Variants in LIMCH1 observed in about 807,000 individuals in gnomAD.
LIMCH1 encodes LIM and calponin homology domains 1, also known as LIM and calponin homology domains-containing protein 1.
Under a neutral mutation model 176.5 loss-of-function variants are expected in LIMCH1, and 113 were observed. The observed-to-expected ratio is 0.64, with a 90% CI of 0.55 to 0.75. The LOEUF (loss-of-function observed/expected upper bound fraction) is 0.75. Ranked by LOEUF, LIMCH1 falls within the 30% of genes least tolerant of loss-of-function variation. LIMCH1 has a pLI of 0.00. For synonymous variants in LIMCH1, 619 were observed against 645.9 expected (o/e 0.96, Z 0.63); for missense variants, 1,674 against 1,814.9 (o/e 0.92, Z 1.41).
At chr4:41,649,542 C>G (rs529350350) in intron 17 of LIMCH1, among the ~76,000 whole-genome samples, 1 of 152,308 alleles carries the variant, frequency 6.6e-6, no homozygotes, top group Non-Finnish European at 1.5e-5. Flanking sequence ...GAGGAAGATA[C>G]TGTTACTTTA....
At position 41,360,827 on chromosome 4, in the gene LIMCH1, G is replaced by C; in HGVS notation, c.-14G>C. The C allele has an allele frequency of 6.5e-7, 1 of 1,535,808 alleles. No individual in the cohort carries two copies. On this transcript the variant is annotated 5_prime_UTR_variant, in exon 1 of 27. Coordinates refer to the LIMCH1 transcript ENST00000313860. The surrounding 1 kb of genome is among the most constrained non-coding windows in gnomAD (Gnocchi z 4.5). Reference sequence around the variant, plus strand: ...TCCTCATCCCGGCGCTTGAGAGGACGCGGGGCTGCGCAAATGGCTTGTCCC... The same window carrying C: ...TCCTCATCCCGGCGCTTGAGAGGACCCGGGGCTGCGCAAATGGCTTGTCCC...
intron 1 of LIMCH1, among the ~76,000 whole-genome samples, chr4:41,457,088 T>G (rs1174826338): frequency 2.0e-5 from 3 of 152,192 alleles, no homozygotes; most frequent in Non-Finnish European, 4.4e-5. Flanking sequence ...ATACTTTGGT[T>G]AGATACAGAG....
At chr4:41,582,224 C>A (rs1001191027) in intron 1 of LIMCH1, among the ~76,000 whole-genome samples, 7 of 152,154 alleles carry the variant, frequency 4.6e-5, no homozygotes, top group Admixed American at 6.5e-5. Context: ...AAGCCACAGG[C>A]TTTAACCGTA....
chr4:41,372,761 A>C (rs772489681), intron 1 of LIMCH1, among the ~76,000 whole-genome samples: 3 of 152,190 alleles, frequency 2.0e-5, no homozygotes, highest in African/African-American at 7.2e-5. Context: ...CCTGGGTACT[A>C]CATAAAGCAG....
chr4:41,556,753 A>G (rs1233731402), intron 1 of LIMCH1, among the ~76,000 whole-genome samples: 1 of 152,188 alleles, frequency 6.6e-6, no homozygotes, highest in Non-Finnish European at 1.5e-5. Context: ...CTTTCAGTAT[A>G]GACATAATCT....
At chr4:41,397,257 G>A (rs138511584) in intron 1 of LIMCH1, among the ~76,000 whole-genome samples, 3 of 152,242 alleles carry the variant, frequency 2.0e-5, no homozygotes, top group East Asian at 1.9e-4. Flanking sequence ...TTTGCTACCC[G>A]CCTGAGAATG....
chr4:41,582,662 A>G (rs1475664613), intron 1 of LIMCH1, among the ~76,000 whole-genome samples: 1 of 152,196 alleles, frequency 6.6e-6, no homozygotes, highest in Non-Finnish European at 1.5e-5. Flanking sequence ...AATGGGGATA[A>G]TAATAGTATC....
At chr4:41,551,686 A>G (rs1421937309) in intron 1 of LIMCH1, among the ~76,000 whole-genome samples, 1 of 152,212 alleles carries the variant, frequency 6.6e-6, no homozygotes, top group Non-Finnish European at 1.5e-5. Context: ...ATATTTCATA[A>G]TACATGGAAA....
intron 23 of LIMCH1, among the ~76,000 whole-genome samples, chr4:41,677,104 A>G (rs894561791): frequency 2.6e-5 from 4 of 151,906 alleles, no homozygotes; most frequent in Non-Finnish European, 5.9e-5. Context: ...CAGAGGTTGC[A>G]GTGAGCTGAG....
At chr4:41,659,592 T>C (rs915556857) in intron 18 of LIMCH1, among the ~76,000 whole-genome samples, 10 of 152,164 alleles carry the variant, frequency 6.6e-5, no homozygotes, top group African/African-American at 2.4e-4. Flanking sequence ...GAGAGACGAA[T>C]AAATTCATAG....
intron 27 of LIMCH1, 82 bp downstream of exon 27, chr4:41,684,600 C>A: frequency 1.3e-6 from 2 of 1,493,638 alleles, no homozygotes; most frequent in Non-Finnish European, 9.1e-7. Flanking sequence ...ATGATCTCTG[C>A]TGGCTGCAGG....
chr4:41,440,360 A>G (rs1440284667), intron 1 of LIMCH1, among the ~76,000 whole-genome samples: 2 of 152,354 alleles, frequency 1.3e-5, no homozygotes, highest in Middle Eastern at 3.4e-3. Context: ...CCTCAAGAAT[A>G]AAACCTGTCA....
intron 1 of LIMCH1, among the ~76,000 whole-genome samples, chr4:41,427,075 A>G (rs1350228759): frequency 6.6e-6 from 1 of 152,238 alleles, no homozygotes; most frequent in Non-Finnish European, 1.5e-5. Flanking sequence ...ATGATTGATC[A>G]TTGGCACCTC....
chr4:41,687,234 G>A (rs561191681), intron 28 of LIMCH1, among the ~76,000 whole-genome samples: 6 of 152,136 alleles, frequency 3.9e-5, no homozygotes, highest in East Asian at 1.9e-4. Flanking sequence ...CAGGGCTCAC[G>A]TACAACCGTT....
At chr4:41,474,605 A>C (rs1213502522) in intron 1 of LIMCH1, among the ~76,000 whole-genome samples, 1 of 152,246 alleles carries the variant, frequency 6.6e-6, no homozygotes, top group African/African-American at 2.4e-5. Flanking sequence ...AGAAAAATGC[A>C]AAATAAAACC....
At chr4:41,678,019 G>C (rs977950503) in intron 23 of LIMCH1, among the ~76,000 whole-genome samples, 2 of 151,966 alleles carry the variant, frequency 1.3e-5, no homozygotes, top group African/African-American at 4.8e-5. Context: ...ACGTGTCATG[G>C]TGGTTTGCTG....
At position 41,629,751 on chromosome 4, in the gene LIMCH1, C is replaced by T. The variant is rs777687330; in HGVS notation, c.1271+17C>T. On this transcript the variant is annotated intron_variant, in intron 9 of 31. Transcript: ENST00000503057. Reference sequence around the variant, plus strand: ...AAAGGCGAGGTGTGTCATGTTTCCCCCCCAGTTTCCCCCTGGCAGTCATGG... The same window carrying T: ...AAAGGCGAGGTGTGTCATGTTTCCCTCCCAGTTTCCCCCTGGCAGTCATGG... The T allele has an allele frequency of 3.1e-5, 47 of 1,525,066 alleles. No homozygotes were observed. The highest frequency in any genetic ancestry group is 1.0e-4 in the Admixed American group (5 of 50,154). The allele number at this position is 1,525,066 out of a possible 1,614,324, so 94.5% of individuals were successfully genotyped here. A position where few individuals can be genotyped will look rare whatever the true frequency, so the allele number is the denominator to read the frequency against.
intron 1 of LIMCH1, among the ~76,000 whole-genome samples, chr4:41,582,500 C>T (rs2085672019): frequency 6.6e-6 from 1 of 152,130 alleles, no homozygotes; most frequent in African/African-American, 2.4e-5. Flanking sequence ...AATTTATAGA[C>T]CTGGAGGCAA....
intron 1 of LIMCH1, among the ~76,000 whole-genome samples, chr4:41,375,464 A>AAG (rs1030101714): frequency 6.6e-6 from 1 of 152,240 alleles, no homozygotes; most frequent in African/African-American, 2.4e-5. Context: ...CTTTCTTCCC[A>AAG]ATATATATAA....
Sources: gnomAD v4.1 joint callset for allele counts (sites outside exome capture counted in the v4.1 genomes callset) on GRCh38, gnomAD v4.1.1 for gene constraint, Gnocchi (gnomAD v3.1) non-coding constraint, MANE v1.5 for transcripts, NCBI Gene and HGNC (gene_info 2026-07-23, HGNC 2026-07-21) for gene names.